The following DOCK7 variants were observed in gnomAD, a reference collection of about 807,000 sequenced individuals.
The protein encoded by DOCK7 is dedicator of cytokinesis 7.
DOCK7 carries 138 observed loss-of-function variants against 271.0 expected under a neutral mutation model. The observed-to-expected ratio is 0.51, with a 90% CI of 0.44 to 0.59. The LOEUF (loss-of-function observed/expected upper bound fraction) is 0.59, where lower values mean the gene tolerates loss of function less well. Among genes scored for constraint, DOCK7 ranks in the 20% least tolerant of loss-of-function variants. The probability of loss-of-function intolerance (pLI) is 0.00; values close to 1 mark genes in which losing one functional copy is unlikely to be tolerated. For missense variants in DOCK7, 2,066 were observed against 2,592.4 expected (o/e 0.80, Z 4.41); for synonymous variants, 823 against 876.1 (o/e 0.94, Z 1.07).
chr1:62,638,807 C>T (rs866701874), intron 7 of DOCK7, among the ~76,000 whole-genome samples: 174 of 151,542 alleles, frequency 1.1e-3, no homozygotes, highest in African/African-American at 4.0e-3. Flanking sequence ...AAACAGATAT[C>T]CAACTGTCCT....
chr1:62,496,594 CCAT>C (rs1646629092), intron 37 of DOCK7, 97 bp from the exon 38 acceptor site: 1 of 1,110,836 alleles, frequency 9.0e-7, no homozygotes, highest in African/African-American at 1.6e-5. Flanking sequence ...TGAAAAAATA[CCAT>C]TCTAAGCAAA....
chr1:62,522,471 C>A (rs934040655), intron 31 of DOCK7, among the ~76,000 whole-genome samples: 4 of 151,760 alleles, frequency 2.6e-5, no homozygotes, highest in African/African-American at 9.7e-5. Context: ...AAAAAGCATT[C>A]GATAACAATT....
chr1:62,503,397 A>T (rs1646842755), intron 37 of DOCK7, among the ~76,000 whole-genome samples: 1 of 152,108 alleles, frequency 6.6e-6, no homozygotes, highest in African/African-American at 2.4e-5. Context: ...CAGAATACAC[A>T]TTGTACAATC....
rs386367151 is a variant in DOCK7 at position 62,639,426 on chromosome 1, C to CTTTTTTTTTTTT, written c.819-2835_819-2824dup. On this transcript the variant is annotated intron_variant, in intron 7 of 49. Coordinates refer to ENST00000635253, the MANE Select transcript of DOCK7 (RefSeq NM_001367561.1). ...AACTTAGTGCAAACTTTGTAATACT[C>CTTTTTTTTTTTT]TTTTTTTTTTTTTTTTTTTTTTTTT... Among the ~76,000 whole-genome samples the CTTTTTTTTTTTT allele has an allele frequency of 2.2e-4, 17 of 75,862 alleles. 4 individuals are homozygous for CTTTTTTTTTTTT. The highest frequency in any genetic ancestry group is 8.2e-4 in the African/African-American group (14 of 17,004). 49.8% of individuals were successfully genotyped at this position (75,862 alleles called of 152,430 possible).
chr1:62,587,400 A>G (rs576202010), intron 14 of DOCK7, among the ~76,000 whole-genome samples: 10 of 152,084 alleles, frequency 6.6e-5, no homozygotes, highest in Admixed American at 2.6e-4. Context: ...GAACCTTGCT[A>G]ATCAACTGCT....
At chr1:62,552,322 A>G (rs1441792561) in intron 22 of DOCK7, among the ~76,000 whole-genome samples, 3 of 152,216 alleles carry the variant, frequency 2.0e-5, no homozygotes, top group African/African-American at 7.2e-5. Context: ...GTTTACAAAA[A>G]TGGAAAATTG....
chr1:62,668,183 CAGT>C (rs1380018466), intron 1 of DOCK7, among the ~76,000 whole-genome samples: 11 of 152,084 alleles, frequency 7.2e-5, no homozygotes, highest in African/African-American at 2.7e-4. Flanking sequence ...ATACAGAGAA[CAGT>C]ATAATACTAT....
chr1:62,591,453 G>T (rs561238958), intron 14 of DOCK7, among the ~76,000 whole-genome samples: 26 of 151,934 alleles, frequency 1.7e-4, no homozygotes, highest in African/African-American at 6.0e-4. Context: ...CCTGTAACAC[G>T]AGTTTACCTA....
intron 31 of DOCK7, among the ~76,000 whole-genome samples, chr1:62,526,848 T>C (rs1478465620): frequency 1.3e-5 from 2 of 152,194 alleles, no homozygotes; most frequent in Admixed American, 6.5e-5. Context: ...AATAATTTCA[T>C]TTATATAAAA....
intron 48 of DOCK7, chr1:62,460,956 C>T (rs1645507383): frequency 6.6e-6 from 1 of 152,102 alleles, no homozygotes; most frequent in Non-Finnish European, 1.5e-5. Context: ...CCACACTGGC[C>T]AAGTTTATTA....
intron 4 of DOCK7, among the ~76,000 whole-genome samples, chr1:62,651,346 T>C (rs1309102017): frequency 6.7e-6 from 1 of 148,494 alleles, no homozygotes; most frequent in Non-Finnish European, 1.5e-5. Context: ...ATATACCTAA[T>C]ATAAATGACG....
At chr1:62,594,446 T>C (rs928721158) in intron 14 of DOCK7, among the ~76,000 whole-genome samples, 1 of 152,088 alleles carries the variant, frequency 6.6e-6, no homozygotes, top group Non-Finnish European at 1.5e-5. Flanking sequence ...ACTCTGTCAG[T>C]GTTATTTGTG....
At chr1:62,570,010 A>T (rs540541131) in intron 18 of DOCK7, among the ~76,000 whole-genome samples, 1 of 152,002 alleles carries the variant, frequency 6.6e-6, no homozygotes, top group Non-Finnish European at 1.5e-5. Context: ...CACTGCGTCC[A>T]GCCACCACTC....
At chr1:62,639,725 G>A (rs1016084311) in intron 7 of DOCK7, among the ~76,000 whole-genome samples, 2 of 151,578 alleles carry the variant, frequency 1.3e-5, no homozygotes, top group African/African-American at 2.4e-5. Flanking sequence ...CACCGGGCCC[G>A]GCCAATAACT....
chr1:62,497,968 A>T (rs528214997), intron 37 of DOCK7, among the ~76,000 whole-genome samples: 12 of 147,510 alleles, frequency 8.1e-5, no homozygotes, highest in South Asian at 4.3e-4. Flanking sequence ...AAGTGCTTTT[A>T]AAAAAAAAAG....
At chr1:62,562,262 C>T (rs185151145) in intron 18 of DOCK7, among the ~76,000 whole-genome samples, 29 of 60,094 alleles carry the variant, frequency 4.8e-4, no homozygotes, top group Non-Finnish European at 8.0e-4. Flanking sequence ...AATAGAGTCT[C>T]GCTCTGTCAC....
intron 1 of DOCK7, among the ~76,000 whole-genome samples, chr1:62,666,853 G>T (rs1659379893): frequency 6.6e-6 from 1 of 152,066 alleles, no homozygotes; most frequent in South Asian, 2.1e-4. Flanking sequence ...ATTATAATAT[G>T]AAAAAAACTT....
At chr1:62,659,132 G>A (rs1658371121) in intron 2 of DOCK7, among the ~76,000 whole-genome samples, 1 of 152,142 alleles carries the variant, frequency 6.6e-6, no homozygotes, top group South Asian at 2.1e-4. Context: ...GAAATATTAG[G>A]AAGGAAAAAG....
In DOCK7 at chr1:62,509,268, G is replaced by A. The variant is rs182496984; in HGVS notation, c.4380-1210C>T. On this transcript the variant is annotated intron_variant, in intron 34 of 49. Transcript: ENST00000635253. ...GTCAAGGCTGCAGTGAGTCATGATT[G>A]TGCCACTGCACTTTGGCCTGAGTGA... 2.1e-3 allele frequency among the ~76,000 whole-genome samples: 297 copies of A among 144,292 alleles called. 2 individuals are homozygous for A. Among genetic ancestry groups the A allele is most frequent in the African/African-American group, 7.4e-3 (283 of 38,454 alleles). The allele number at this position is 144,292 out of a possible 152,430, so 94.7% of individuals were successfully genotyped here.
Sources: allele counts gnomAD v4.1 joint callset (sites outside exome capture counted in the v4.1 genomes callset), GRCh38; gene constraint gnomAD v4.1.1; transcripts MANE v1.5; gene names NCBI Gene and HGNC (gene_info 2026-07-23, HGNC 2026-07-21).